Variants in MACROD2 observed in about 807,000 individuals in gnomAD.
The protein encoded by MACROD2 is mono-ADP ribosylhydrolase 2.
MACROD2 carries 36 observed loss-of-function variants against 70.4 expected under a neutral mutation model. That is an observed-to-expected ratio of 0.51 (90% CI 0.39 to 0.68). The LOEUF (loss-of-function observed/expected upper bound fraction) is 0.68, where lower values mean the gene tolerates loss of function less well. Among genes scored for constraint, MACROD2 ranks in the 30% least tolerant of loss-of-function variants. The probability of loss-of-function intolerance (pLI) is 0.00; values close to 1 mark genes in which losing one functional copy is unlikely to be tolerated. For synonymous variants in MACROD2, 172 were observed against 178.8 expected (o/e 0.96, Z 0.30); for missense variants, 496 against 538.4 (o/e 0.92, Z 0.78).
intron 15 of MACROD2, among the ~76,000 whole-genome samples, chr20:16,036,322 CTAAT>C (rs2067235978): frequency 1.3e-5 from 2 of 151,794 alleles, no homozygotes; most frequent in African/African-American, 4.8e-5. Context: ...ATTTAAAAGT[CTAAT>C]TAACTACATT....
intron 3 of MACROD2, among the ~76,000 whole-genome samples, chr20:14,484,901 C>T (rs2123082133): frequency 6.6e-6 from 1 of 152,302 alleles, no homozygotes; most frequent in East Asian, 1.9e-4. Context: ...GCAACAAATA[C>T]AAAAGTGCAG....
chr20:15,561,206 G>C (rs778866630), intron 8 of MACROD2, among the ~76,000 whole-genome samples: 1 of 152,196 alleles, frequency 6.6e-6, no homozygotes, highest in Non-Finnish European at 1.5e-5. Flanking sequence ...ATTCTTCAAA[G>C]TGTTGGTAAA....
At chr20:15,877,235 T>C (rs6034316) in intron 9 of MACROD2, among the ~76,000 whole-genome samples, 16,419 of 152,112 alleles carry the variant, frequency 0.11, 1,420 homozygotes, top group East Asian at 0.28. Context: ...CGTCTTCAAC[T>C]GAACATATCC....
chr20:14,574,364 C>T (rs1159426563), intron 4 of MACROD2, among the ~76,000 whole-genome samples: 1 of 152,186 alleles, frequency 6.6e-6, no homozygotes, highest in East Asian at 1.9e-4. Context: ...CAAACCATAG[C>T]ATTTACCCTG....
intron 13 of MACROD2, among the ~76,000 whole-genome samples, chr20:15,972,388 A>C (rs1245803190): frequency 6.6e-6 from 1 of 152,184 alleles, no homozygotes; most frequent in Non-Finnish European, 1.5e-5. Context: ...ATGACCCCAA[A>C]GCATAAGAAA....
At chr20:14,964,561 A>G (rs956230729) in intron 5 of MACROD2, among the ~76,000 whole-genome samples, 4 of 151,964 alleles carry the variant, frequency 2.6e-5, no homozygotes, top group Non-Finnish European at 5.9e-5. Flanking sequence ...CGACAGAGCA[A>G]GACTCCATCT....
chr20:14,276,842 T>C (rs187797695), intron 3 of MACROD2, among the ~76,000 whole-genome samples: 23 of 152,262 alleles, frequency 1.5e-4, no homozygotes, highest in African/African-American at 5.3e-4. Flanking sequence ...ATGGATGAGA[T>C]AATTTTTAGT....
intron 2 of MACROD2, among the ~76,000 whole-genome samples, chr20:14,043,941 G>T (rs1202579972): frequency 6.6e-6 from 1 of 152,188 alleles, no homozygotes; most frequent in Non-Finnish European, 1.5e-5. Context: ...CCTGCATAAA[G>T]CCAGGATTCT....
chr20:15,741,444 C>T (rs556613118), intron 8 of MACROD2, among the ~76,000 whole-genome samples: 8 of 152,134 alleles, frequency 5.3e-5, no homozygotes, highest in Admixed American at 5.2e-4. Flanking sequence ...TGCCTCACCT[C>T]ACACGCTGGC....
chr20:15,111,948 T>G (rs438016), intron 5 of MACROD2, among the ~76,000 whole-genome samples: 18,099 of 152,190 alleles, frequency 0.12, 1,245 homozygotes, highest in Admixed American at 0.17. Context: ...AGCTTCCTCC[T>G]TCATTAGCAT....
chr20:15,469,688 G>A (rs1029869934), intron 7 of MACROD2, among the ~76,000 whole-genome samples: 1 of 152,158 alleles, frequency 6.6e-6, no homozygotes, highest in Non-Finnish European at 1.5e-5. Context: ...CATCCAAAGA[G>A]CATGTCCAGA....
rs1052828126 is a variant in MACROD2 at position 14,813,327 on chromosome 20, C to T, written c.418+128368C>T. The stretch of plus-strand genomic sequence containing the variant: ...AGCCTTACATGCATTATCTGTTTAT[C>T]CTGATGCTCTCCCCCTTCCTCTGCC... On this transcript the variant is annotated intron_variant, in intron 5 of 17. Coordinates refer to ENST00000684519, the MANE Select transcript of MACROD2 (RefSeq NM_001351661.2). Among the ~76,000 whole-genome samples, 88 of 151,852 alleles carry T rather than the reference C, an allele frequency of 5.8e-4. 2 individuals carry two copies. Among genetic ancestry groups the T allele is most frequent in the African/African-American group, 1.8e-3 (74 of 41,410 alleles).
intron 6 of MACROD2, among the ~76,000 whole-genome samples, chr20:15,353,828 A>G (rs2146229365): frequency 1.1e-5 from 1 of 89,664 alleles, no homozygotes; most frequent in Admixed American, 1.3e-4. Context: ...TATAATGGCA[A>G]TCATTAAAAA....
intron 5 of MACROD2, among the ~76,000 whole-genome samples, chr20:14,998,254 C>T (rs891699242): frequency 6.6e-6 from 1 of 152,132 alleles, no homozygotes; most frequent in Non-Finnish European, 1.5e-5. Flanking sequence ...GAAAACATAA[C>T]CTCACCATAT....
chr20:15,540,403 G>A (rs1772994256), intron 8 of MACROD2, among the ~76,000 whole-genome samples: 1 of 152,192 alleles, frequency 6.6e-6, no homozygotes, highest in Non-Finnish European at 1.5e-5. Flanking sequence ...TTTGGATGGT[G>A]AGGCAAGGAA....
intron 8 of MACROD2, among the ~76,000 whole-genome samples, chr20:15,858,878 G>A (rs1431832041): frequency 5.9e-5 from 9 of 152,120 alleles, no homozygotes; most frequent in Admixed American, 5.2e-4. Flanking sequence ...AGATTCAAGA[G>A]GTGGAATTAC....
chr20:14,543,249 G>A (rs1332145395), intron 4 of MACROD2, among the ~76,000 whole-genome samples: 1 of 152,128 alleles, frequency 6.6e-6, no homozygotes, highest in Non-Finnish European at 1.5e-5. Flanking sequence ...GAGTGGACAT[G>A]CTGGACAAAG....
chr20:14,859,584 T>C (rs903164556), intron 5 of MACROD2, among the ~76,000 whole-genome samples: 3 of 152,212 alleles, frequency 2.0e-5, no homozygotes, highest in African/African-American at 7.2e-5. Context: ...TTAAGGCAAC[T>C]ATTAAACCAT....
intron 3 of MACROD2, among the ~76,000 whole-genome samples, chr20:14,271,791 G>T (rs2082198668): frequency 6.6e-6 from 1 of 152,132 alleles, no homozygotes; most frequent in Non-Finnish European, 1.5e-5. Context: ...ATACAGAGAA[G>T]TGCTTAAAGG....
Sources: allele counts gnomAD v4.1 joint callset (sites outside exome capture counted in the v4.1 genomes callset), GRCh38; gene constraint gnomAD v4.1.1; transcripts MANE v1.5; gene names NCBI Gene and HGNC (gene_info 2026-07-23, HGNC 2026-07-21).